MYLK4: variants seen among roughly 807,000 people sequenced by gnomAD.
The protein encoded by MYLK4 is myosin light chain kinase family member 4, also known as caMLCK like.
In MYLK4, 46 loss-of-function variants were observed where a neutral mutation model predicts 48.1. The observed-to-expected ratio is 0.96, with a 90% CI of 0.75 to 1.22. MYLK4 has a LOEUF of 1.22. Ranked by LOEUF, MYLK4 falls within the 50% of genes most tolerant of loss-of-function variation. The pLI is 0.00. For missense variants in MYLK4, 451 were observed against 486.1 expected, an observed-to-expected ratio of 0.93 and a Z score of 0.68; for synonymous variants, 170 against 180.8, an observed-to-expected ratio of 0.94 and a Z score of 0.48.
chr6:2,764,405 G>A, the MYLK4 span, among the ~76,000 whole-genome samples: 1 of 152,134 alleles, frequency 6.6e-6, no homozygotes, highest in African/African-American at 2.4e-5. Context: ...GACAGAACGA[G>A]TGAGACCCTC....
At chr6:2,756,438 C>G in the MYLK4 span, among the ~76,000 whole-genome samples, 1 of 152,130 alleles carries the variant, frequency 6.6e-6, no homozygotes, top group Non-Finnish European at 1.5e-5. Flanking sequence ...TGAATTCTGC[C>G]ATTTCTTCAA....
intron 2 of MYLK4, among the ~76,000 whole-genome samples, chr6:2,694,520 G>GGCA (rs1561845950): frequency 1.8e-3 from 1 of 558 alleles, no homozygotes; most frequent in Admixed American, 0.026. Context: ...TGGCGGTGGT[G>GGCA]GTGGTGGTGG....
chr6:2,713,293 C>T (rs547713026), intron 2 of MYLK4, among the ~76,000 whole-genome samples: 1 of 151,882 alleles, frequency 6.6e-6, no homozygotes, highest in South Asian at 2.1e-4. Context: ...TCGCTTGAAC[C>T]CAGGAGGCAG....
the MYLK4 span, among the ~76,000 whole-genome samples, chr6:2,760,487 C>T: frequency 6.6e-6 from 1 of 152,190 alleles, no homozygotes. Context: ...CAATCAAATT[C>T]AATTTCTAGC....
At chr6:2,739,766 A>C (rs1183371045) in intron 2 of MYLK4, among the ~76,000 whole-genome samples, 2 of 152,256 alleles carry the variant, frequency 1.3e-5, no homozygotes, top group African/African-American at 4.8e-5. Flanking sequence ...CCTAGGGCCT[A>C]AATATACTTA....
chr6:2,715,024 G>A (rs975854533), intron 2 of MYLK4, among the ~76,000 whole-genome samples: 1 of 152,120 alleles, frequency 6.6e-6, no homozygotes, highest in African/African-American at 2.4e-5. Context: ...CAGCACTCTG[G>A]GAGGCCACGG....
At chr6:2,733,395 G>C (rs1336034761) in intron 2 of MYLK4, among the ~76,000 whole-genome samples, 1 of 152,142 alleles carries the variant, frequency 6.6e-6, no homozygotes, top group East Asian at 1.9e-4. Context: ...ATAATCCCCA[G>C]AGACCAGCAG....
In MYLK4 at chr6:2,682,621, G is replaced by A. The variant is rs12665207; in HGVS notation, c.687+400C>T. Among the ~76,000 whole-genome samples, 830 of 152,210 alleles carry A rather than the reference G, an allele frequency of 5.5e-3. 10 individuals are homozygous for A. Among genetic ancestry groups the A allele is most frequent in the East Asian group, 0.029 (152 of 5,182 alleles). On this transcript the variant is annotated intron_variant, in intron 7 of 12. Transcript: ENST00000274643. ...TTCCTGAGTGACTCGAGGAGCTGCCGGCGATTCTTGGAGACCTGGAAAGGT... is the reference window on the plus strand; with the variant it reads ...TTCCTGAGTGACTCGAGGAGCTGCCAGCGATTCTTGGAGACCTGGAAAGGT...
At chr6:2,707,256 C>T (rs1323012685) in intron 2 of MYLK4, among the ~76,000 whole-genome samples, 1 of 152,114 alleles carries the variant, frequency 6.6e-6, no homozygotes, top group Non-Finnish European at 1.5e-5. Context: ...GGCCATATCT[C>T]ATTATTTTCA....
chr6:2,740,174 G>C (rs1763846176), intron 2 of MYLK4, among the ~76,000 whole-genome samples: 1 of 152,186 alleles, frequency 6.6e-6, no homozygotes, highest in African/African-American at 2.4e-5. Flanking sequence ...ACTGTAAAGT[G>C]GAGGAAATAG....
rs1168204216 is a variant in MYLK4, at chr6:2,664,955, G to C, written c.*2970C>G. 6.6e-6 allele frequency: 1 copy of C among 152,198 alleles called. No individual in the cohort carries two copies. The highest frequency in any genetic ancestry group is 1.5e-5 in the Non-Finnish European group (1 of 68,040). 9.4% of individuals were successfully genotyped at this position (152,198 alleles called of 1,614,324 possible). On this transcript the variant is annotated 3_prime_UTR_variant, in exon 13 of 13. Coordinates refer to ENST00000274643, the MANE Select transcript of MYLK4 (RefSeq NM_001012418.5). The stretch of plus-strand genomic sequence containing the variant: ...GTCTTCCAAATTACCAATGAGGCAT[G>C]CCTTCTCCTTAATAACTTGCGAGGT...
In MYLK4 at chr6:2,678,212, T is replaced by G; in HGVS notation, c.1040+8A>C. 1 of 1,613,550 alleles carries G rather than the reference T, an allele frequency of 6.2e-7. No homozygotes were observed. Among genetic ancestry groups the G allele is most frequent in the Non-Finnish European group, 8.5e-7 (1 of 1,179,792 alleles). ...CTGCGCCCGGAGCACAGGACGAACT[T>G]GCGTTACCTCTTCTCCTTAATCAGA... On this transcript the variant is annotated splice_region_variant and intron_variant, in intron 10 of 12. Transcript: ENST00000274643.
chr6:2,679,916 C>T, intron 8 of MYLK4, among the ~76,000 whole-genome samples: 1 of 152,332 alleles, frequency 6.6e-6, no homozygotes, highest in East Asian at 1.9e-4. Flanking sequence ...TAAATCTTCT[C>T]TGTACAGATG....
At chr6:2,689,168 G>A (rs1761676731) in intron 3 of MYLK4, among the ~76,000 whole-genome samples, 1 of 152,200 alleles carries the variant, frequency 6.6e-6, no homozygotes, top group Non-Finnish European at 1.5e-5. Context: ...GAGAAAGAGT[G>A]TCAGGGCGGC....
chr6:2,767,294 A>G, the MYLK4 span, among the ~76,000 whole-genome samples: 1 of 152,260 alleles, frequency 6.6e-6, no homozygotes, highest in Admixed American at 6.5e-5. Flanking sequence ...GGATGCTTTT[A>G]TCCATAATAA....
intron 9 of MYLK4, 79 bp downstream of exon 9, chr6:2,679,201 G>C: frequency 6.5e-7 from 1 of 1,535,576 alleles, no homozygotes; most frequent in Non-Finnish European, 8.9e-7. Context: ...CCCAATTGGG[G>C]CTTTTATTTA....
At chr6:2,754,789 G>A (rs761583125), upstream of MYLK4, among the ~76,000 whole-genome samples, 4 of 152,076 alleles carry the variant, frequency 2.6e-5, no homozygotes, top group Non-Finnish European at 4.4e-5. Context: ...CTGGGATCCA[G>A]GGAAACATAA....
intron 8 of MYLK4, among the ~76,000 whole-genome samples, chr6:2,679,868 C>A (rs1761226388): frequency 1.3e-5 from 2 of 152,126 alleles, no homozygotes; most frequent in Admixed American, 1.3e-4. Flanking sequence ...GTGCCAGAAC[C>A]CTTTGCAAAC....
At position 2,680,218 on chromosome 6, in the gene MYLK4, TA is replaced by T; in HGVS notation, c.758+2del. The T allele has an allele frequency of 6.2e-7, 1 of 1,614,134 alleles. No homozygotes were observed. Among genetic ancestry groups the T allele is most frequent in the East Asian group, 2.2e-5 (1 of 44,884 alleles). On this transcript the variant is annotated splice_donor_variant, in intron 8 of 12. Transcript: ENST00000274643. LOFTEE classifies it high-confidence loss of function. Reference sequence around the variant, plus strand: ...TCGTACACCTATGTCCAAATAGACATACCTTCTGGCCAATCCAAAATCAATA... The same window carrying T: ...TCGTACACCTATGTCCAAATAGACATCCTTCTGGCCAATCCAAAATCAATA...
Sources: gnomAD v4.1 joint callset for allele counts (sites outside exome capture counted in the v4.1 genomes callset) on GRCh38, gnomAD v4.1.1 for gene constraint, MANE v1.5 for transcripts, NCBI Gene and HGNC (gene_info 2026-07-23, HGNC 2026-07-21) for gene names.